SORCS1: variants seen among roughly 807,000 people sequenced by gnomAD.
The protein encoded by SORCS1 is VPS10 domain-containing receptor SorCS1.
A neutral mutation model predicts 146.1 loss-of-function variants in SORCS1; 60 were observed. The ratio of observed to expected loss-of-function variants is 0.41; its 90% CI spans 0.33 to 0.51. The LOEUF is 0.51. SORCS1 is among the 20% of genes least tolerant of loss of function. SORCS1 has a pLI of 0.21. For synonymous variants in SORCS1, 637 were observed against 584.0 expected (o/e 1.09, Z -1.31); for missense variants, 1,352 against 1,487.6 (o/e 0.91, Z 1.50).
At chr10:106,934,100 C>CAAAAAAAAAA (rs57432764) in intron 2 of SORCS1, among the ~76,000 whole-genome samples, 5 of 97,508 alleles carry the variant, frequency 5.1e-5, no homozygotes, top group African/African-American at 1.4e-4. Context: ...TCTCAAAAAA[C>CAAAAAAAAAA]AAAAAAAAAA....
At chr10:106,636,430 C>T (rs1237288490) in intron 18 of SORCS1, among the ~76,000 whole-genome samples, 1 of 152,110 alleles carries the variant, frequency 6.6e-6, no homozygotes, top group African/African-American at 2.4e-5. Context: ...TTTCACACTG[C>T]TATAAAGAAC....
chr10:106,878,864 T>G lies in SORCS1; in HGVS notation c.627-49191A>C, dbSNP rs974550071. Among the ~76,000 whole-genome samples, 7 of 151,468 alleles carry G rather than the reference T, an allele frequency of 4.6e-5. No individual in the cohort carries two copies. The East Asian group carries it at 9.7e-4, about 21-fold the overall frequency. ...AATACTGTATTCTTTTTTAAAAAAT[T>G]TCCCTGGGCGCAATGACTCGTACCT... On this transcript the variant is annotated intron_variant, in intron 2 of 25. Coordinates refer to ENST00000263054, the MANE Select transcript of SORCS1 (RefSeq NM_052918.5).
intron 1 of SORCS1, among the ~76,000 whole-genome samples, chr10:107,096,822 T>G (rs1964575470): frequency 6.6e-6 from 1 of 152,068 alleles, no homozygotes; most frequent in East Asian, 1.9e-4. Flanking sequence ...CTATCAATAT[T>G]CTTAAAGGCC....
At chr10:106,743,225 G>A (rs1190020513) in intron 5 of SORCS1, among the ~76,000 whole-genome samples, 1 of 151,962 alleles carries the variant, frequency 6.6e-6, no homozygotes, top group Non-Finnish European at 1.5e-5. Flanking sequence ...ATAGGAGAAT[G>A]AGAAGGGCAA....
At chr10:106,582,670 G>A (rs952626385) in intron 24 of SORCS1, among the ~76,000 whole-genome samples, 17 of 152,168 alleles carry the variant, frequency 1.1e-4, no homozygotes, top group Non-Finnish European at 2.2e-4. Flanking sequence ...CAAGGTAGAC[G>A]TGTAGGGGAA....
chr10:106,785,817 G>A (rs1474993191), intron 3 of SORCS1, among the ~76,000 whole-genome samples: 1 of 152,112 alleles, frequency 6.6e-6, no homozygotes, highest in Admixed American at 6.5e-5. Context: ...GGGCCTAGAG[G>A]GGGTCATCCA....
chr10:106,733,001 G>C (rs1284756747), intron 5 of SORCS1, among the ~76,000 whole-genome samples: 1 of 151,592 alleles, frequency 6.6e-6, no homozygotes, highest in Non-Finnish European at 1.5e-5. Flanking sequence ...TACCTGTTTC[G>C]GGAGGCTGAG....
chr10:106,696,530 C>T (rs1225245611), intron 9 of SORCS1, among the ~76,000 whole-genome samples: 1 of 152,188 alleles, frequency 6.6e-6, no homozygotes, highest in African/African-American at 2.4e-5. Context: ...TCTCTCCCAG[C>T]CCCAGGATGC....
At chr10:107,129,707 A>C (rs550476641) in intron 1 of SORCS1, among the ~76,000 whole-genome samples, 1 of 152,336 alleles carries the variant, frequency 6.6e-6, no homozygotes, top group African/African-American at 2.4e-5. Context: ...GAAGATCTTT[A>C]AGACCCTTTT....
intron 17 of SORCS1, among the ~76,000 whole-genome samples, chr10:106,658,205 T>G (rs573291017): frequency 2.8e-4 from 43 of 152,210 alleles, no homozygotes; most frequent in South Asian, 2.3e-3. Context: ...ATCCATGGCC[T>G]GACATGCGCC....
At chr10:106,818,292 G>C (rs1272066233) in intron 3 of SORCS1, among the ~76,000 whole-genome samples, 1 of 151,714 alleles carries the variant, frequency 6.6e-6, no homozygotes, top group Non-Finnish European at 1.5e-5. Context: ...TTACAAGCAA[G>C]ACAGGAAGAA....
chr10:107,079,551 T>A (rs1431925298), intron 1 of SORCS1, among the ~76,000 whole-genome samples: 1 of 152,196 alleles, frequency 6.6e-6, no homozygotes, highest in Admixed American at 6.5e-5. Context: ...TTTTGCTACA[T>A]CTTGCCAGTG....
At chr10:106,724,738 A>G (rs1856027946) in intron 6 of SORCS1, among the ~76,000 whole-genome samples, 1 of 152,230 alleles carries the variant, frequency 6.6e-6, no homozygotes, top group African/African-American at 2.4e-5. Flanking sequence ...TCCATGGGGA[A>G]GAGCCAAACT....
chr10:106,642,277 T>C (rs1849121450), intron 18 of SORCS1, among the ~76,000 whole-genome samples: 2 of 152,204 alleles, frequency 1.3e-5, no homozygotes, highest in South Asian at 2.1e-4. Context: ...GAAAAAAATA[T>C]TGTTAACAAC....
intron 18 of SORCS1, among the ~76,000 whole-genome samples, chr10:106,648,592 T>C (rs957847883): frequency 5.3e-5 from 8 of 152,234 alleles, no homozygotes; most frequent in African/African-American, 1.9e-4. Context: ...TGTCTCTGTC[T>C]GGGTCATTTT....
At chr10:107,002,288 T>C (rs996517215) in intron 1 of SORCS1, among the ~76,000 whole-genome samples, 4 of 152,228 alleles carry the variant, frequency 2.6e-5, no homozygotes, top group African/African-American at 9.6e-5. Context: ...AATATCTCTC[T>C]CAATAATTCT....
intron 14 of SORCS1, among the ~76,000 whole-genome samples, chr10:106,674,328 C>CTAAAAAAAA (rs1851853572): frequency 3.7e-5 from 1 of 27,374 alleles, no homozygotes; most frequent in Non-Finnish European, 5.4e-5. Context: ...GACTCCGTCT[C>CTAAAAAAAA]AAAAAAAAAA....
chr10:106,946,425 G>C (rs994596733), intron 2 of SORCS1, among the ~76,000 whole-genome samples: 1 of 152,164 alleles, frequency 6.6e-6, no homozygotes, highest in Non-Finnish European at 1.5e-5. Flanking sequence ...TGAATCATGG[G>C]AGCGGGTCTT....
At chr10:107,003,073 T>C (rs1029519603) in intron 1 of SORCS1, among the ~76,000 whole-genome samples, 5 of 152,100 alleles carry the variant, frequency 3.3e-5, no homozygotes, top group Admixed American at 3.3e-4. Context: ...CTGGCCAACA[T>C]GGTGAAACCT....
Sources: allele counts gnomAD v4.1 joint callset (sites outside exome capture counted in the v4.1 genomes callset), GRCh38; gene constraint gnomAD v4.1.1; transcripts MANE v1.5; gene names NCBI Gene and HGNC (gene_info 2026-07-23, HGNC 2026-07-21).